BACE2: variants seen among roughly 807,000 people sequenced by gnomAD.
The protein encoded by BACE2 is 56 kDa aspartic-like protease.
Under a neutral mutation model 46.2 loss-of-function variants are expected in BACE2, and 17 were observed. The observed-to-expected ratio is 0.37, with a 90% confidence interval of 0.25 to 0.55. BACE2 has a LOEUF of 0.55. Ranked by LOEUF, BACE2 falls within the 20% of genes least tolerant of loss-of-function variation. BACE2 has a pLI of 0.82. For missense variants in BACE2, 595 were observed against 698.1 expected, an observed-to-expected ratio of 0.85 and a Z score of 1.66; for synonymous variants, 277 against 295.9, an observed-to-expected ratio of 0.94 and a Z score of 0.66.
chr21:41,185,945 C>T lies in BACE2; in HGVS notation c.312+17370C>T, dbSNP rs376053996. Among the ~76,000 whole-genome samples, 18 of 152,262 alleles carry T rather than the reference C, an allele frequency of 1.2e-4. No homozygotes were observed. In the East Asian group the frequency reaches 1.5e-3, roughly 13 times the overall value. ...AATACAATTAACAGAAAGTCGAAAG[C>T]AAACATAAGACTCCAAACAAGACAT... On this transcript the variant is annotated intron_variant, in intron 1 of 8. Transcript: ENST00000330333.
intron 7 of BACE2, among the ~76,000 whole-genome samples, chr21:41,255,719 T>A (rs1432045428): frequency 6.6e-6 from 1 of 152,112 alleles, no homozygotes; most frequent in Non-Finnish European, 1.5e-5. Flanking sequence ...CAGATGGACA[T>A]GAGGACTAAA....
At chr21:41,244,033 C>G (rs1987382117) in intron 5 of BACE2, among the ~76,000 whole-genome samples, 1 of 152,198 alleles carries the variant, frequency 6.6e-6, no homozygotes, top group Non-Finnish European at 1.5e-5. Flanking sequence ...ATACAGAGCT[C>G]TGACACCAAA....
At chr21:41,198,913 G>T (rs1208416557) in intron 1 of BACE2, among the ~76,000 whole-genome samples, 1 of 151,024 alleles carries the variant, frequency 6.6e-6, no homozygotes, top group African/African-American at 2.4e-5. Flanking sequence ...GGGTACATGT[G>T]TACAATGTGC....
At chr21:41,245,644 G>C (rs1297270541) in intron 5 of BACE2, among the ~76,000 whole-genome samples, 1 of 152,264 alleles carries the variant, frequency 6.6e-6, no homozygotes, top group Non-Finnish European at 1.5e-5. Context: ...GGGCAGGAGT[G>C]CAGGTCCTCA....
chr21:41,169,120 G>A (rs1427366361), intron 1 of BACE2, among the ~76,000 whole-genome samples: 1 of 151,798 alleles, frequency 6.6e-6, no homozygotes, highest in Non-Finnish European at 1.5e-5. Flanking sequence ...CGGTTAAGAA[G>A]TGGCTCGCTT....
intron 7 of BACE2, among the ~76,000 whole-genome samples, chr21:41,253,678 T>TTGG (rs142937054): frequency 6.6e-6 from 1 of 152,232 alleles, no homozygotes; most frequent in Non-Finnish European, 1.5e-5. Context: ...GAAGGCTTGC[T>TTGG]TGGCTTCCTC....
chr21:41,221,420 C>T (rs1986642699), intron 1 of BACE2, among the ~76,000 whole-genome samples: 2 of 152,234 alleles, frequency 1.3e-5, no homozygotes, highest in Non-Finnish European at 2.9e-5. Flanking sequence ...TTTGTGTGCA[C>T]AGACTGCATT....
At position 41,269,449 on chromosome 21, in the gene BACE2, C is replaced by T. The variant is rs576684230; in HGVS notation, c.1304-5922C>T. On this transcript the variant is annotated intron_variant, in intron 8 of 8. Transcript: ENST00000330333. ...CGCACCTTGAAACCATCACCACAAA[C>T]AAGGTAGTGATCATATGCACTGAGC... Among the ~76,000 whole-genome samples, 98 of 152,284 alleles carry T rather than the reference C, an allele frequency of 6.4e-4. 1 individual carries two copies. The highest frequency in any genetic ancestry group is 1.1e-3 in the Non-Finnish European group (72 of 68,022).
chr21:41,172,147 A>G (rs1376426853), intron 1 of BACE2, among the ~76,000 whole-genome samples: 1 of 152,236 alleles, frequency 6.6e-6, no homozygotes, highest in Non-Finnish European at 1.5e-5. Context: ...ACAATTACTG[A>G]GGTTGAAAGA....
Position 41,193,994 on chromosome 21 carries a change from A to T in BACE2, c.312+25419A>T, listed in dbSNP as rs1356524452. 6.6e-6 allele frequency among the ~76,000 whole-genome samples: 1 copy of T among 152,154 alleles called. No individual in the cohort carries two copies. Among genetic ancestry groups the T allele is most frequent in the Non-Finnish European group, 1.5e-5 (1 of 68,028 alleles). ...AAGATTCACTGCATACATTGTCGGT[A>T]ATGTAGTGGGGTCCTTCCTCAAGGG... On this transcript the variant is annotated intron_variant, in intron 1 of 8. Transcript: ENST00000330333. The surrounding 1 kb of genome is among the most constrained non-coding windows in gnomAD (Gnocchi z 4.2).
chr21:41,257,268 C>A lies in BACE2; in HGVS notation c.1245C>A (p.Phe415Leu). 1 of 1,614,216 alleles carries A rather than the reference C, an allele frequency of 6.2e-7. No homozygotes were observed. The highest frequency in any genetic ancestry group is 8.5e-7 in the Non-Finnish European group (1 of 1,180,038). ...TCGGTGCCACGGTGATGGAGGGCTTCTACGTCATCTTCGACAGAGCCCAGA... is the reference window on the plus strand; with the variant it reads ...TCGGTGCCACGGTGATGGAGGGCTTATACGTCATCTTCGACAGAGCCCAGA... Reference protein sequence around the residue: ...LVIGATVMEGFYVIFDRAQKR... With the variant: ...LVIGATVMEGLYVIFDRAQKR... Residue 415 changes from phenylalanine to leucine, a missense_variant, in exon 8 of 9, where the codon TTC becomes TTA. Transcript: ENST00000330333.
rs2088508098 is a variant in BACE2, at chr21:41,277,911, A to G, written c.*2287A>G. ...ATGAAAATACTGAAACTACAAAAGC[A>G]TAACTTCGCAACAAGAATGAGATAG... On this transcript the variant is annotated 3_prime_UTR_variant, in exon 9 of 9. Transcript: ENST00000330333. The G allele has an allele frequency of 6.6e-6, 1 of 152,284 alleles. No individual in the cohort carries two copies. The highest frequency in any genetic ancestry group is 2.4e-5 in the African/African-American group (1 of 41,478). 9.4% of individuals were successfully genotyped at this position (152,284 alleles called of 1,614,324 possible). A position where few individuals can be genotyped will look rare whatever the true frequency, so the allele number is the denominator to read the frequency against.
At position 41,168,162 on chromosome 21, in the gene BACE2, C is replaced by G. The variant is rs1984447515; in HGVS notation, c.-102C>G. The G allele has an allele frequency of 3.2e-6, 2 of 620,880 alleles. No homozygotes were observed. The highest frequency in any genetic ancestry group is 2.0e-6 in the Non-Finnish European group (1 of 488,962). The allele number at this position is 620,880 out of a possible 1,614,324, so 38.5% of individuals were successfully genotyped here. A position where few individuals can be genotyped will look rare whatever the true frequency, so the allele number is the denominator to read the frequency against. On this transcript the variant is annotated 5_prime_UTR_variant, in exon 1 of 9. The change creates a new upstream start codon in the 5' untranslated region. Coordinates refer to ENST00000330333, the MANE Select transcript of BACE2 (RefSeq NM_012105.5). ...GCCGCCGGTCCCGGTGCGCGCCCAT[C>G]CCTGCCCGCAGCCCCGCGCGCCGGC...
At chr21:41,266,928 G>T (rs2088381202) in intron 8 of BACE2, among the ~76,000 whole-genome samples, 1 of 149,154 alleles carries the variant, frequency 6.7e-6, no homozygotes, top group South Asian at 2.2e-4. Context: ...TTTGGAAGCT[G>T]CCCTTCTCTC....
At chr21:41,254,829 T>G (rs1987734575) in intron 7 of BACE2, among the ~76,000 whole-genome samples, 1 of 152,252 alleles carries the variant, frequency 6.6e-6, no homozygotes, top group Non-Finnish European at 1.5e-5. Context: ...TGTTGATTAC[T>G]TCTTCCTCTT....
intron 6 of BACE2, among the ~76,000 whole-genome samples, chr21:41,248,248 A>T (rs979495811): frequency 1.3e-4 from 20 of 151,878 alleles, no homozygotes; most frequent in Non-Finnish European, 1.8e-4. Flanking sequence ...TAACTTTAAC[A>T]CTCTGTGATC....
rs2088523444 is a variant in BACE2 at position 41,279,488 on chromosome 21, T to G, written c.*3864T>G. ...GATGCCTGTCTGTAATCCCAGCTAC[T>G]CTGGAGGCTGAGGCAGGAGAATCGC... is the stretch of plus-strand genomic sequence containing the variant. On this transcript the variant is annotated 3_prime_UTR_variant, in exon 9 of 9. Transcript: ENST00000330333. The G allele has an allele frequency of 6.6e-6, 1 of 152,238 alleles. No homozygotes were observed. Among genetic ancestry groups the G allele is most frequent in the Non-Finnish European group, 1.5e-5 (1 of 68,194 alleles). 9.4% of individuals were successfully genotyped at this position (152,238 alleles called of 1,614,324 possible).
At chr21:41,184,154 A>G (rs1985265026) in intron 1 of BACE2, 1 of 167,068 alleles carries the variant, frequency 6.0e-6, no homozygotes, top group Non-Finnish European at 1.5e-5. Context: ...GAGAAGATTG[A>G]ATGAGAAAAT....
rs111213042 is a variant in BACE2 at position 41,179,335 on chromosome 21, G to T, written c.312+10760G>T. 43,830 of 1,298,322 alleles carry T rather than the reference G, an allele frequency of 0.034. 5,025 individuals are homozygous for T. In the African/African-American group the frequency reaches 0.39, roughly 12 times the overall value. 80.4% of individuals were successfully genotyped at this position (1,298,322 alleles called of 1,614,324 possible). ...TGAGTGAGAGTGTCCAGGGTGAGGA[G>T]TGAGGGTATCCAGGGTGAGTGAGGG... On this transcript the variant is annotated intron_variant, in intron 1 of 8. Coordinates refer to ENST00000330333, the MANE Select transcript of BACE2 (RefSeq NM_012105.5).
Sources: allele counts gnomAD v4.1 joint callset (sites outside exome capture counted in the v4.1 genomes callset), GRCh38; gene constraint gnomAD v4.1.1; non-coding constraint Gnocchi (gnomAD v3.1); transcripts MANE v1.5; gene names NCBI Gene and HGNC (gene_info 2026-07-23, HGNC 2026-07-21).